PDK2: variants seen among roughly 807,000 people sequenced by gnomAD.
The protein encoded by PDK2 is pyruvate dehydrogenase kinase 2.
A neutral mutation model predicts 50.4 loss-of-function variants in PDK2; 34 were observed. The observed-to-expected ratio is 0.68, with a 90% CI of 0.51 to 0.90. PDK2 has a LOEUF of 0.90. Among genes scored for constraint, PDK2 ranks in the 40% least tolerant of loss-of-function variants. The probability of loss-of-function intolerance (pLI) is 0.00; values close to 1 mark genes in which losing one functional copy is unlikely to be tolerated. For missense variants in PDK2, 377 were observed against 544.5 expected, an observed-to-expected ratio of 0.69 and a Z score of 3.06; for synonymous variants, 232 against 216.0, an observed-to-expected ratio of 1.07 and a Z score of -0.65.
At position 50,106,885 on chromosome 17, in the gene PDK2, TG is replaced by T. The variant is rs752982141; in HGVS notation, c.607+3del. 3 of 1,613,470 alleles carry T rather than the reference TG, an allele frequency of 1.9e-6. No individual in the cohort carries two copies. Among genetic ancestry groups the T allele is most frequent in the Non-Finnish European group, 2.5e-6 (3 of 1,179,476 alleles). ...GCAACGTCTCTGAGGTGGTCAAAGG[TG>T]AGCCATTCCCACGGTGCCTGGCCCG... On this transcript the variant is annotated splice_donor_region_variant and intron_variant, in intron 5 of 10. Coordinates refer to ENST00000503176, the MANE Select transcript of PDK2 (RefSeq NM_002611.5).
intron 2 of PDK2, among the ~76,000 whole-genome samples, chr17:50,099,309 A>T (rs981909083): frequency 8.6e-5 from 13 of 152,006 alleles, no homozygotes; most frequent in Non-Finnish European, 8.8e-5. Flanking sequence ...GAGCTGAGGG[A>T]TGCAGGAGGA....
chr17:50,100,651 CTG>C (rs1910177244), intron 2 of PDK2: 1 of 152,240 alleles, frequency 6.6e-6, no homozygotes, highest in South Asian at 2.1e-4. Context: ...CAAAGGCTGG[CTG>C]TGTCCCAGGA....
In PDK2 at chr17:50,108,631, G is replaced by T. The variant is rs773122103; in HGVS notation, c.881G>T (p.Gly294Val). 4 of 1,612,356 alleles carry T rather than the reference G, an allele frequency of 2.5e-6. No individual in the cohort carries two copies. The South Asian group carries it at 4.4e-5, about 18-fold the overall frequency. The change falls in exon 9 of 11, where the codon GGT becomes GTT. Residue 294 changes from glycine to valine, a missense_variant. By Grantham distance (109) the Gly-to-Val change is moderately radical. Transcript: ENST00000503176. ...LSIKMSDRGG[G>V]VPLRKIERLF... ...TCCCAGATGAGTGACCGAGGTGGGG[G>T]TGTTCCCTTGAGGAAGATTGAGCGA...
At chr17:50,096,156 A>T (rs1039676584) in intron 1 of PDK2, 7 of 985,472 alleles carry the variant, frequency 7.1e-6, no homozygotes, top group Non-Finnish European at 7.2e-6. Flanking sequence ...TAGCTGCCCC[A>T]GTGGGCAAGG....
At chr17:50,100,376 C>T (rs1910163198) in intron 2 of PDK2, among the ~76,000 whole-genome samples, 1 of 152,282 alleles carries the variant, frequency 6.6e-6, no homozygotes, top group South Asian at 2.1e-4. Flanking sequence ...TTGGCCTCAG[C>T]ATGTGTGACT....
intron 1 of PDK2, 30 bp downstream of exon 1, chr17:50,095,583 C>T (rs372224839): frequency 2.3e-4 from 356 of 1,552,264 alleles, no homozygotes; most frequent in Non-Finnish European, 3.0e-4. Context: ...CGGCTGGCAG[C>T]GGAGGCCGGC....
chr17:50,105,301 TTGAA>T, intron 2 of PDK2, 66 bp from the exon 3 acceptor site: 1 of 1,156,192 alleles, frequency 8.6e-7, no homozygotes. Context: ...CAAGGCCCAG[TTGAA>T]TGAAGTGGGT....
At position 50,109,338 on chromosome 17, in the gene PDK2, C is replaced by T. The variant is rs1198050874; in HGVS notation, c.1021C>T (p.Gln341Ter). 1 of 1,613,888 alleles carries T rather than the reference C, an allele frequency of 6.2e-7. No individual in the cohort carries two copies. Among genetic ancestry groups the T allele is most frequent in the Non-Finnish European group, 8.5e-7 (1 of 1,179,950 alleles). ...TTCCCGCCTCTACGCCAAGTACTTCCAGGGAGACCTGCAGCTCTTCTCCAT... is the reference window on the plus strand; with the variant it reads ...TTCCCGCCTCTACGCCAAGTACTTCTAGGGAGACCTGCAGCTCTTCTCCAT... ...PISRLYAKYF[Q>*]GDLQLFSMEG... Residue 341 changes from glutamine to a stop codon, truncating the protein, a stop_gained, in exon 10 of 11, where the codon CAG (glutamine) becomes TAG (stop). Coordinates refer to ENST00000503176, the MANE Select transcript of PDK2 (RefSeq NM_002611.5). LOFTEE classifies it high-confidence loss of function. This position sits in a 1 kb window ranked among gnomAD's most constrained non-coding sequence, Gnocchi z 5.0.
intron 2 of PDK2, among the ~76,000 whole-genome samples, chr17:50,103,877 G>T (rs1910361503): frequency 6.6e-6 from 1 of 152,108 alleles, no homozygotes; most frequent in South Asian, 2.1e-4. Context: ...GCCTCCCTGG[G>T]GGAGGCTGTG....
In PDK2 at chr17:50,109,812, G is replaced by A. The variant is rs562267766; in HGVS notation, c.1084-145G>A. 25 of 857,482 alleles carry A rather than the reference G, an allele frequency of 2.9e-5. 1 individual carries two copies. In the African/African-American group the frequency reaches 3.6e-4, roughly 12 times the overall value. The allele number at this position is 857,482 out of a possible 1,614,324, so 53.1% of individuals were successfully genotyped here. ...GCTGCTTGCTTGAATGGGCAGGAGC[G>A]GGACACAGGAGGGACCACCCTTTTG... On this transcript the variant is annotated intron_variant, in intron 10 of 10. Transcript: ENST00000503176. The surrounding 1 kb of genome is among the most constrained non-coding windows in gnomAD (Gnocchi z 5.0).
chr17:50,109,530 A>G lies in PDK2; in HGVS notation c.1083+130A>G, dbSNP rs191380282. On this transcript the variant is annotated intron_variant, in intron 10 of 10. Transcript: ENST00000503176. The surrounding 1 kb of genome is among the most constrained non-coding windows in gnomAD (Gnocchi z 5.0). Reference sequence around the variant, plus strand: ...CCTGGCCCCAGACTCTGAGAATCCAAGCAAAGCTACAGTTCCTCAACCTGA... The same window carrying G: ...CCTGGCCCCAGACTCTGAGAATCCAGGCAAAGCTACAGTTCCTCAACCTGA... The G allele has an allele frequency of 2.2e-5, 13 of 586,584 alleles. No individual in the cohort carries two copies. Among genetic ancestry groups the G allele is most frequent in the African/African-American group, 1.9e-4 (10 of 52,812 alleles). The allele number at this position is 586,584 out of a possible 1,614,324, so 36.3% of individuals were successfully genotyped here.
rs990515847 is a variant in PDK2, at chr17:50,111,692, C to T, written c.*1595C>T. The T allele has an allele frequency of 1.3e-5, 2 of 152,286 alleles. No individual in the cohort carries two copies. Among genetic ancestry groups the T allele is most frequent in the African/African-American group, 4.8e-5 (2 of 41,448 alleles). The allele number at this position is 152,286 out of a possible 1,614,324, so 9.4% of individuals were successfully genotyped here. On this transcript the variant is annotated 3_prime_UTR_variant, in exon 11 of 11. Coordinates refer to ENST00000503176, the MANE Select transcript of PDK2 (RefSeq NM_002611.5). ...CCCAGGCCTCATCGGTAACTCTGAC[C>T]AGTGTCCTGGAAGCGGGACTAGCTG...
chr17:50,106,516 G>C, intron 4 of PDK2: 1 of 521,334 alleles, frequency 1.9e-6, no homozygotes, highest in Non-Finnish European at 3.4e-6. Context: ...TATAGTCAAA[G>C]AAAAGAATAA....
chr17:50,098,764 G>A (rs935304148), intron 2 of PDK2: 1 of 152,218 alleles, frequency 6.6e-6, no homozygotes, highest in Non-Finnish European at 1.5e-5. Context: ...GTACACACAA[G>A]GCTAGGGGTG....
At chr17:50,102,631 T>G (rs1365080201) in intron 2 of PDK2, among the ~76,000 whole-genome samples, 1 of 152,206 alleles carries the variant, frequency 6.6e-6, no homozygotes, top group Non-Finnish European at 1.5e-5. Context: ...AAGAATCATA[T>G]GAGCATGAAG....
rs747921249 is a variant in PDK2, at chr17:50,107,972, G to T, written c.686-184G>T. The T allele has an allele frequency of 8.2e-5, 51 of 624,024 alleles. 2 individuals carry two copies. The highest frequency in any genetic ancestry group is 2.6e-4 in the South Asian group (14 of 53,760). 38.7% of individuals were successfully genotyped at this position (624,024 alleles called of 1,614,324 possible). ...CAAGGGTGTGGAAAGCAGGGCCCAA[G>T]AATTGAATGCATCACTTCCATGAGT... On this transcript the variant is annotated intron_variant, in intron 6 of 10. Transcript: ENST00000503176.
At chr17:50,099,123 C>T (rs1910091737) in intron 2 of PDK2, among the ~76,000 whole-genome samples, 3 of 152,012 alleles carry the variant, frequency 2.0e-5, no homozygotes. Flanking sequence ...CTGAGCCAAC[C>T]AACACTTCCC....
chr17:50,109,992 C>G lies in PDK2; in HGVS notation c.1119C>G (p.Val373=), dbSNP rs1910743337. The change falls in exon 11 of 11, where the codon GTC becomes GTG. Residue 373 remains valine (V), a synonymous_variant. Coordinates refer to ENST00000503176, the MANE Select transcript of PDK2 (RefSeq NM_002611.5). This position sits in a 1 kb window ranked among gnomAD's most constrained non-coding sequence, Gnocchi z 5.0. ...LSTDSVERLP[V]YNKSAWRHYQ... ...CGGACTCGGTGGAGCGCCTGCCTGT[C>G]TACAACAAGTCAGCCTGGCGCCACT... 1 of 1,594,566 alleles carries G rather than the reference C, an allele frequency of 6.3e-7. No homozygotes were observed. Among genetic ancestry groups the G allele is most frequent in the Non-Finnish European group, 8.5e-7 (1 of 1,170,916 alleles).
At chr17:50,106,358 A>G (rs1390895675) in intron 4 of PDK2, 2 of 675,890 alleles carry the variant, frequency 3.0e-6, no homozygotes, top group Non-Finnish European at 4.5e-6. Flanking sequence ...AACTCTCATT[A>G]TGTTCAAAAA....
Sources: allele counts gnomAD v4.1 joint callset (sites outside exome capture counted in the v4.1 genomes callset), GRCh38; gene constraint gnomAD v4.1.1; non-coding constraint Gnocchi (gnomAD v3.1); transcripts MANE v1.5; gene names NCBI Gene and HGNC (gene_info 2026-07-23, HGNC 2026-07-21).